The following PNLIPRP3 variants were observed in gnomAD, a reference collection of about 807,000 sequenced individuals.
PNLIPRP3 encodes pancreatic lipase-related protein 3.
PNLIPRP3 carries 58 observed loss-of-function variants against 52.8 expected under a neutral mutation model. The ratio of observed to expected loss-of-function variants is 1.10; its 90% CI spans 0.89 to 1.37. The LOEUF (loss-of-function observed/expected upper bound fraction) is 1.37, where lower values mean the gene tolerates loss of function less well. PNLIPRP3 is among the 40% of genes most tolerant of loss of function. The probability of loss-of-function intolerance (pLI) is 0.00; values close to 1 mark genes in which losing one functional copy is unlikely to be tolerated. For synonymous variants in PNLIPRP3, 192 were observed against 185.0 expected (o/e 1.04, Z -0.31); for missense variants, 593 against 561.6 (o/e 1.06, Z -0.57).
chr10:116,474,037 A>G (rs1462034952), intron 10 of PNLIPRP3, among the ~76,000 whole-genome samples: 2 of 151,984 alleles, frequency 1.3e-5, no homozygotes, highest in Non-Finnish European at 2.9e-5. Context: ...ACCCAACTTC[A>G]AACTACACTA....
In PNLIPRP3 at chr10:116,461,333, C is replaced by T. The variant is rs192845889; in HGVS notation, c.808+43C>T. On this transcript the variant is annotated intron_variant, in intron 7 of 11. Coordinates refer to ENST00000369230, the MANE Select transcript of PNLIPRP3 (RefSeq NM_001011709.3). ...TATGAATGCTACTGATGCATATTCA[C>T]TTAGCTCTCTCCTTAGATGGGATCC... is the stretch of plus-strand genomic sequence containing the variant. 970 of 1,588,986 alleles carry T rather than the reference C, an allele frequency of 6.1e-4. 4 individuals carry two copies. In the African/African-American group the frequency reaches 6.4e-3, roughly 10 times the overall value.
At position 116,476,766 on chromosome 10, in the gene PNLIPRP3, G is replaced by T. The variant is rs146246563; in HGVS notation, c.1287G>T (p.Gln429His). ...IWKKHLFEDS[Q>H]NKLGAEMVIN... ...AAAAACATTTGTTTGAAGATTCTCA[G>T]AATAAGTTGGGAGCAGAAATGGTGA... Residue 429 changes from glutamine (Q) to histidine (H), a missense_variant, in exon 11 of 12, where the codon CAG (glutamine) becomes CAT (histidine). Coordinates refer to ENST00000369230, the MANE Select transcript of PNLIPRP3 (RefSeq NM_001011709.3). 1,258 of 1,610,760 alleles carry T rather than the reference G, an allele frequency of 7.8e-4. 1 individual carries two copies. Among genetic ancestry groups the T allele is most frequent in the Non-Finnish European group, 1.0e-3 (1,203 of 1,178,454 alleles).
chr10:116,454,432 T>A (rs1846083502), intron 4 of PNLIPRP3, among the ~76,000 whole-genome samples: 1 of 152,214 alleles, frequency 6.6e-6, no homozygotes, highest in Non-Finnish European at 1.5e-5. Flanking sequence ...TACCATTTTT[T>A]AATAATGAGA....
At chr10:116,449,612 G>T (rs1188492675) in intron 4 of PNLIPRP3, among the ~76,000 whole-genome samples, 2 of 152,052 alleles carry the variant, frequency 1.3e-5, no homozygotes, top group African/African-American at 4.8e-5. Flanking sequence ...AGATTGGAAG[G>T]GAGAAATACA....
At chr10:116,461,497 A>T (rs949642698) in intron 7 of PNLIPRP3, among the ~76,000 whole-genome samples, 1 of 152,192 alleles carries the variant, frequency 6.6e-6, no homozygotes, top group African/African-American at 2.4e-5. Context: ...CTGGTGCCTT[A>T]TCAATCTCTA....
chr10:116,461,544 T>C (rs982439844), intron 7 of PNLIPRP3, among the ~76,000 whole-genome samples: 3 of 152,220 alleles, frequency 2.0e-5, no homozygotes, highest in African/African-American at 7.2e-5. Flanking sequence ...AAGGAAGGTG[T>C]GTTATTCACT....
At chr10:116,461,666 A>T (rs1307593165) in intron 7 of PNLIPRP3, among the ~76,000 whole-genome samples, 1 of 152,252 alleles carries the variant, frequency 6.6e-6, no homozygotes, top group East Asian at 1.9e-4. Flanking sequence ...TCATTTTCTA[A>T]CTTGTTAGGA....
chr10:116,444,382 G>C lies in PNLIPRP3; in HGVS notation c.325G>C (p.Val109Leu). The C allele has an allele frequency of 1.2e-6, 2 of 1,603,998 alleles. No individual in the cohort carries two copies. Among genetic ancestry groups the C allele is most frequent in the Non-Finnish European group, 1.7e-6 (2 of 1,174,748 alleles). ...DGKWQRDMCN[V>L]LLQLEDINCI... ...ATATTTATATAAATCTTTGTGCCAG[G>C]TGTTGCTACAGCTGGAAGATATAAA... Residue 109 changes from valine (V) to leucine (L), a missense_variant and splice_region_variant, in exon 4 of 12, where the codon GTG becomes CTG. Physicochemically the swap from Val to Leu is conservative, Grantham distance 32 (BLOSUM62 1). Transcript: ENST00000369230.
chr10:116,443,621 TATATATAACAC>T (rs1277126577), intron 3 of PNLIPRP3, among the ~76,000 whole-genome samples: 1 of 53,870 alleles, frequency 1.9e-5, no homozygotes, highest in Non-Finnish European at 4.1e-5. Flanking sequence ...ATGTGTTTTA[TATATATAACAC>T]ATATATATAA....
intron 3 of PNLIPRP3, among the ~76,000 whole-genome samples, chr10:116,443,765 ATG>A (rs1177928611): frequency 0.01 from 1,288 of 123,218 alleles, 26 homozygotes; most frequent in Middle Eastern, 0.017. Flanking sequence ...GTGTGTGTGT[ATG>A]TGTGTGTGTG....
chr10:116,448,042 G>A (rs370645124), intron 4 of PNLIPRP3, among the ~76,000 whole-genome samples: 46 of 121,266 alleles, frequency 3.8e-4, no homozygotes, highest in African/African-American at 1.2e-3. Context: ...AAGAAAGAAA[G>A]AGAAAGAAAG....
intron 4 of PNLIPRP3, among the ~76,000 whole-genome samples, chr10:116,451,967 T>C (rs1458189583): frequency 6.6e-6 from 1 of 152,086 alleles, no homozygotes; most frequent in African/African-American, 2.4e-5. Flanking sequence ...TACAGGAAGA[T>C]GAGGGAAAGT....
At chr10:116,442,204 G>C (rs529858352) in intron 2 of PNLIPRP3, among the ~76,000 whole-genome samples, 10 of 152,060 alleles carry the variant, frequency 6.6e-5, no homozygotes, top group Non-Finnish European at 1.5e-4. Context: ...TAAATTTATA[G>C]TCTCCTAAAG....
At chr10:116,465,775 GA>G (rs1487083740) in intron 7 of PNLIPRP3, among the ~76,000 whole-genome samples, 2 of 152,178 alleles carry the variant, frequency 1.3e-5, no homozygotes, top group Non-Finnish European at 2.9e-5. Flanking sequence ...CTGTCACTAG[GA>G]AGTGACTCAG....
intron 8 of PNLIPRP3, among the ~76,000 whole-genome samples, chr10:116,468,315 A>C (rs1218073388): frequency 1.3e-5 from 2 of 152,118 alleles, no homozygotes; most frequent in Non-Finnish European, 2.9e-5. Flanking sequence ...ATTGCTAAAG[A>C]AAAATAAAAA....
chr10:116,464,886 G>T (rs931393187), intron 7 of PNLIPRP3, among the ~76,000 whole-genome samples: 1 of 152,212 alleles, frequency 6.6e-6, no homozygotes, highest in Non-Finnish European at 1.5e-5. Flanking sequence ...CAGCTCTTGG[G>T]CTGTCCCAGC....
chr10:116,476,697 A>G lies in PNLIPRP3; in HGVS notation c.1218A>G (p.Ala406=). Residue 406 remains alanine (A), a synonymous_variant, in exon 11 of 12, where the codon GCA becomes GCG. Coordinates refer to ENST00000369230, the MANE Select transcript of PNLIPRP3 (RefSeq NM_001011709.3). ...PGMTYTKLID[A]DVNVGNITSV... ...TGACTTACACAAAATTAATCGATGC[A>G]GATGTTAACGTTGGAAACATTACAA... The G allele has an allele frequency of 6.3e-7, 1 of 1,598,238 alleles. No individual in the cohort carries two copies. Among genetic ancestry groups the G allele is most frequent in the East Asian group, 2.2e-5 (1 of 44,632 alleles).
intron 4 of PNLIPRP3, among the ~76,000 whole-genome samples, chr10:116,444,725 T>C (rs1845918948): frequency 1.3e-5 from 2 of 152,202 alleles, no homozygotes; most frequent in Non-Finnish European, 2.9e-5. Context: ...TGGCAGTGTG[T>C]CTACACAGGC....
chr10:116,432,127 G>A (rs980200002), intron 1 of PNLIPRP3, among the ~76,000 whole-genome samples: 11 of 152,108 alleles, frequency 7.2e-5, no homozygotes, highest in African/African-American at 2.7e-4. Flanking sequence ...CTCCATGAGG[G>A]CTAGAATTGT....
Sources: gnomAD v4.1 joint callset for allele counts (sites outside exome capture counted in the v4.1 genomes callset) on GRCh38, gnomAD v4.1.1 for gene constraint, MANE v1.5 for transcripts, NCBI Gene and HGNC (gene_info 2026-07-23, HGNC 2026-07-21) for gene names.